The following ALMS1 variants were observed in gnomAD, a reference collection of about 807,000 sequenced individuals.
ALMS1 encodes the protein centrosome-associated protein ALMS1.
In ALMS1, 271 loss-of-function variants were observed where a neutral mutation model predicts 352.2. That is an observed-to-expected ratio of 0.77 (90% CI 0.70 to 0.85). The LOEUF is 0.85. Ranked by LOEUF, ALMS1 falls within the 40% of genes least tolerant of loss-of-function variation. ALMS1 has a pLI of 0.00. For synonymous variants in ALMS1, 1,865 were observed against 1,761.2 expected (o/e 1.06, Z -1.48); for missense variants, 5,445 against 4,870.7 (o/e 1.12, Z -3.51).
At chr2:73,396,893 C>CCAAAG (rs1670775974) in intron 1 of ALMS1, among the ~76,000 whole-genome samples, 1 of 152,122 alleles carries the variant, frequency 6.6e-6, no homozygotes, top group Admixed American at 6.5e-5. Flanking sequence ...ATCCACCCTC[C>CCAAAG]TCGGCCTCCC....
chr2:73,470,972 G>A (rs1283722486), intron 9 of ALMS1: 1 of 151,652 alleles, frequency 6.6e-6, no homozygotes, highest in East Asian at 1.9e-4. Flanking sequence ...TTCACTTTTA[G>A]CCTGTGTGTC....
intron 16 of ALMS1, among the ~76,000 whole-genome samples, chr2:73,597,887 C>T (rs1422871327): frequency 1.3e-5 from 2 of 151,878 alleles, no homozygotes; most frequent in Non-Finnish European, 2.9e-5. Flanking sequence ...GCCCATCATT[C>T]CTGTTATTAT....
At chr2:73,592,219 T>G (rs1675449427) in intron 16 of ALMS1, among the ~76,000 whole-genome samples, 1 of 152,236 alleles carries the variant, frequency 6.6e-6, no homozygotes, top group Non-Finnish European at 1.5e-5. Flanking sequence ...TCCATAGTTT[T>G]CTGATCAACC....
chr2:73,557,276 C>G lies in ALMS1; in HGVS notation c.10135C>G (p.Gln3379Glu), dbSNP rs1674566519. Residue 3379 changes from glutamine (Q) to glutamate (E), a missense_variant, in exon 14 of 23, where the codon CAA becomes GAA. Transcript: ENST00000613296. ...GDENLSDKKQ[Q>E]EIHSTRAVTE... ...TGAGAACCTCTCAGACAAAAAACAG[C>G]AAGAGATTCACAGTACAAGGGCAGT... 1 of 1,614,006 alleles carries G rather than the reference C, an allele frequency of 6.2e-7. No homozygotes were observed. Among genetic ancestry groups the G allele is most frequent in the South Asian group, 1.1e-5 (1 of 91,090 alleles).
chr2:73,474,005 A>G (rs1672525701), intron 9 of ALMS1, among the ~76,000 whole-genome samples: 1 of 152,110 alleles, frequency 6.6e-6, no homozygotes, highest in South Asian at 2.1e-4. Flanking sequence ...AATTTGTTGA[A>G]AAATGAATTT....
At chr2:73,466,202 C>G (rs1451384437) in intron 9 of ALMS1, among the ~76,000 whole-genome samples, 1 of 152,036 alleles carries the variant, frequency 6.6e-6, no homozygotes, top group East Asian at 1.9e-4. Flanking sequence ...TATTGCGGCA[C>G]TATTCACAAT....
At chr2:73,599,276 T>A (rs1258507092) in intron 16 of ALMS1, 125 bp from the exon 17 acceptor site, 3 of 1,266,808 alleles carry the variant, frequency 2.4e-6, no homozygotes, top group Non-Finnish European at 3.4e-6. Flanking sequence ...TATCTCAAGC[T>A]TCCTCCAAAT....
chr2:73,603,896 T>G (rs1306679279), intron 21 of ALMS1: 1 of 153,960 alleles, frequency 6.5e-6, no homozygotes, highest in African/African-American at 2.4e-5. Flanking sequence ...TGAAATAAAA[T>G]TAAATATGTA....
chr2:73,491,592 G>A lies in ALMS1; in HGVS notation c.9539+94G>A, dbSNP rs760614004. ...GATATCGGTTCTTGGGGGAAAGGCC[G>A]TGTGATTTCTCTGAGTGGAGGTTGT... On this transcript the variant is annotated intron_variant, in intron 10 of 22. Coordinates refer to ENST00000613296, the MANE Select transcript of ALMS1 (RefSeq NM_001378454.1). 5.2e-5 allele frequency: 71 copies of A among 1,355,336 alleles called. No individual in the cohort carries two copies. In the South Asian group the frequency reaches 5.9e-4, roughly 11 times the overall value. 84.0% of individuals were successfully genotyped at this position (1,355,336 alleles called of 1,614,324 possible).
intron 10 of ALMS1, among the ~76,000 whole-genome samples, chr2:73,505,389 T>A (rs999598527): frequency 2.0e-4 from 31 of 152,182 alleles, no homozygotes; most frequent in Non-Finnish European, 3.7e-4. Flanking sequence ...ATCTGTTGTT[T>A]CCCAACTTTT....
At chr2:73,531,930 A>G (rs1473414757) in intron 11 of ALMS1, among the ~76,000 whole-genome samples, 1 of 152,172 alleles carries the variant, frequency 6.6e-6, no homozygotes, top group African/African-American at 2.4e-5. Context: ...TCATAATCTA[A>G]TCACCTCCCA....
intron 9 of ALMS1, among the ~76,000 whole-genome samples, chr2:73,487,322 C>T (rs769843422): frequency 4.6e-5 from 7 of 152,138 alleles, no homozygotes; most frequent in South Asian, 4.1e-4. Context: ...GGCATGCTGA[C>T]GGCTGTGGTA....
intron 7 of ALMS1, among the ~76,000 whole-genome samples, chr2:73,433,481 T>C (rs1671550823): frequency 6.6e-6 from 1 of 152,178 alleles, no homozygotes; most frequent in Admixed American, 6.5e-5. Flanking sequence ...ACTAGAAGAA[T>C]AGGTAATTTT....
intron 9 of ALMS1, chr2:73,470,091 A>G (rs1415298282): frequency 6.6e-6 from 1 of 151,826 alleles, no homozygotes; most frequent in Non-Finnish European, 1.5e-5. Flanking sequence ...TGAGTCTTCT[A>G]GTTTTTTCTT....
chr2:73,491,201 G>A lies in ALMS1; in HGVS notation c.9242G>A (p.Ser3081Asn), dbSNP rs750425368. The A allele has an allele frequency of 7.4e-6, 12 of 1,614,072 alleles. No homozygotes were observed. The South Asian group carries it at 1.2e-4, about 16-fold the overall frequency. ...GCTGCTTCTAAAGCGAGGATGAATA[G>A]TGAGTTTAACTTTGACTTACATACT... is the stretch of plus-strand genomic sequence containing the variant. Reference protein sequence around the residue: ...LDAASKARMNSEFNFDLHTVS... With the variant: ...LDAASKARMNNEFNFDLHTVS... The change falls in exon 10 of 23, where the codon AGT becomes AAT. Residue 3081 changes from serine (S) to asparagine (N), a missense_variant. Ser to Asn is a conservative substitution (Grantham distance 46). Transcript: ENST00000613296.
At chr2:73,403,694 A>G (rs1011346059) in intron 1 of ALMS1, among the ~76,000 whole-genome samples, 33 of 151,746 alleles carry the variant, frequency 2.2e-4, no homozygotes, top group Non-Finnish European at 1.6e-4. Context: ...TGTGTCCTTA[A>G]TTTCTTTCAT....
intron 12 of ALMS1, among the ~76,000 whole-genome samples, chr2:73,549,253 T>C (rs1490782166): frequency 2.0e-5 from 3 of 152,246 alleles, no homozygotes; most frequent in African/African-American, 7.2e-5. Context: ...TATTGAAATA[T>C]ATTTTAAAAG....
At chr2:73,580,229 C>T (rs944239421) in intron 16 of ALMS1, among the ~76,000 whole-genome samples, 11 of 152,184 alleles carry the variant, frequency 7.2e-5, no homozygotes, top group African/African-American at 2.7e-4. Flanking sequence ...AAGGCATGCA[C>T]CACCACACTC....
At chr2:73,516,996 A>AT (rs1558677975) in intron 10 of ALMS1, among the ~76,000 whole-genome samples, 1 of 152,030 alleles carries the variant, frequency 6.6e-6, no homozygotes, top group East Asian at 1.9e-4. Flanking sequence ...TTATAGTGCC[A>AT]TGAGTATGAA....
Sources: gnomAD v4.1 joint callset for allele counts (sites outside exome capture counted in the v4.1 genomes callset) on GRCh38, gnomAD v4.1.1 for gene constraint, MANE v1.5 for transcripts, NCBI Gene and HGNC (gene_info 2026-07-23, HGNC 2026-07-21) for gene names.